Variants in TRHDE observed in about 807,000 individuals in gnomAD.
The protein encoded by TRHDE is thyrotropin-releasing hormone-degrading ectoenzyme.
TRHDE carries 72 observed loss-of-function variants against 125.7 expected under a neutral mutation model. The observed-to-expected ratio is 0.57, with a 90% CI of 0.47 to 0.70. TRHDE has a LOEUF of 0.70. TRHDE is among the 30% of genes least tolerant of loss of function. The pLI, the probability that TRHDE is intolerant of heterozygous loss-of-function variation, is 0.00. For synonymous variants in TRHDE, 509 were observed against 509.1 expected (o/e 1.00, Z 0.00); for missense variants, 1,110 against 1,327.1 (o/e 0.84, Z 2.54).
At chr12:72,403,430 T>G (rs1592420027) in intron 3 of TRHDE, among the ~76,000 whole-genome samples, 1 of 152,340 alleles carries the variant, frequency 6.6e-6, no homozygotes, top group Non-Finnish European at 1.5e-5. Context: ...CCAAGCACAA[T>G]TCTGTTTTAC....
intron 3 of TRHDE, among the ~76,000 whole-genome samples, chr12:72,380,238 G>A (rs554257444): frequency 2.3e-4 from 35 of 152,160 alleles, no homozygotes; most frequent in Non-Finnish European, 4.0e-4. Flanking sequence ...TCTATGAGAA[G>A]CAGATATACC....
At chr12:72,311,540 C>A (rs1868541409) in intron 2 of TRHDE, among the ~76,000 whole-genome samples, 1 of 152,102 alleles carries the variant, frequency 6.6e-6, no homozygotes, top group Non-Finnish European at 1.5e-5. Flanking sequence ...TTTTCACTTG[C>A]CATTCAGTAA....
chr12:72,297,546 T>C (rs946773392), intron 2 of TRHDE, among the ~76,000 whole-genome samples: 1 of 152,136 alleles, frequency 6.6e-6, no homozygotes, highest in African/African-American at 2.4e-5. Context: ...GGAGAATCTC[T>C]GAAAAAGCTG....
At chr12:72,098,520 G>T (rs1036295437) in intron 1 of TRHDE, among the ~76,000 whole-genome samples, 1 of 152,028 alleles carries the variant, frequency 6.6e-6, no homozygotes, top group African/African-American at 2.4e-5. Flanking sequence ...ATTTAGAGGC[G>T]GAATCTTTTG....
At chr12:72,405,763 A>C (rs913170587) in intron 3 of TRHDE, among the ~76,000 whole-genome samples, 1 of 152,236 alleles carries the variant, frequency 6.6e-6, no homozygotes, top group African/African-American at 2.4e-5. Context: ...ATAATATTTT[A>C]TGAAGATTAT....
At position 72,284,434 on chromosome 12, in the gene TRHDE, C is replaced by G. The variant is rs141565945; in HGVS notation, c.915-2247C>G. On this transcript the variant is annotated intron_variant, in intron 1 of 18. Transcript: ENST00000261180. ...AATTAATAAGCTGAAAGATAAGATT[C>G]ACGAGCATTATGTAAGATAAAAGCA... Among the ~76,000 whole-genome samples the G allele has an allele frequency of 8.0e-4, 122 of 152,148 alleles. 1 individual carries two copies. The highest frequency in any genetic ancestry group is 2.9e-3 in the African/African-American group (122 of 41,538).
chr12:72,446,470 C>A (rs1193260181), intron 3 of TRHDE, among the ~76,000 whole-genome samples: 2 of 152,000 alleles, frequency 1.3e-5, no homozygotes, highest in Non-Finnish European at 2.9e-5. Context: ...AAATAACCAG[C>A]CAACATCATA....
At chr12:72,554,289 G>A (rs973986912) in intron 7 of TRHDE, among the ~76,000 whole-genome samples, 6 of 151,978 alleles carry the variant, frequency 3.9e-5, no homozygotes, top group Non-Finnish European at 8.8e-5. Context: ...GATTCTTTAT[G>A]TGGCTGGTAT....
intron 6 of TRHDE, among the ~76,000 whole-genome samples, chr12:72,503,914 G>C (rs1199032301): frequency 6.6e-6 from 1 of 152,200 alleles, no homozygotes; most frequent in Admixed American, 6.5e-5. Context: ...GGGGTATTCT[G>C]ACTGGTCAGT....
chr12:72,322,541 T>C (rs1225905563), intron 2 of TRHDE, among the ~76,000 whole-genome samples: 1 of 152,148 alleles, frequency 6.6e-6, no homozygotes, highest in Non-Finnish European at 1.5e-5. Flanking sequence ...AACAAAGTTA[T>C]GTATTGATGG....
intron 3 of TRHDE, among the ~76,000 whole-genome samples, chr12:72,465,215 T>C (rs964871127): frequency 9.2e-5 from 14 of 152,232 alleles, no homozygotes; most frequent in African/African-American, 3.4e-4. Context: ...CTTCCTTTTT[T>C]TTTTATTAGC....
intron 7 of TRHDE, among the ~76,000 whole-genome samples, chr12:72,551,271 C>T (rs1205786304): frequency 6.6e-6 from 1 of 152,020 alleles, no homozygotes; most frequent in South Asian, 2.1e-4. Context: ...TGGTCTACCT[C>T]TGTATTTTTG....
chr12:72,104,794 G>T (rs1202128002), intron 1 of TRHDE, among the ~76,000 whole-genome samples: 1 of 152,176 alleles, frequency 6.6e-6, no homozygotes, highest in African/African-American at 2.4e-5. Flanking sequence ...GGACTTTATT[G>T]ACATATGTAA....
intron 2 of TRHDE, among the ~76,000 whole-genome samples, chr12:72,200,385 A>G (rs1877534140): frequency 6.6e-6 from 1 of 152,206 alleles, no homozygotes. Flanking sequence ...CTATCATAAG[A>G]GGGCTCCATT....
chr12:72,314,603 A>G (rs1013165643), intron 2 of TRHDE, among the ~76,000 whole-genome samples: 5 of 152,142 alleles, frequency 3.3e-5, no homozygotes, highest in Non-Finnish European at 7.4e-5. Flanking sequence ...AAACACTGAA[A>G]TGATAGTTTT....
intron 3 of TRHDE, among the ~76,000 whole-genome samples, chr12:72,397,132 G>T (rs754834250): frequency 4.6e-5 from 7 of 152,058 alleles, no homozygotes; most frequent in South Asian, 2.1e-4. Flanking sequence ...TTTCATTTTC[G>T]TAAACGGCAA....
At chr12:72,449,045 CA>C (rs1875442284) in intron 3 of TRHDE, among the ~76,000 whole-genome samples, 1 of 151,966 alleles carries the variant, frequency 6.6e-6, no homozygotes, top group Admixed American at 6.6e-5. Flanking sequence ...TTAATTTGAA[CA>C]TGTCAACAGA....
intron 2 of TRHDE, among the ~76,000 whole-genome samples, chr12:72,313,632 C>T (rs1256939567): frequency 6.6e-6 from 1 of 152,046 alleles, no homozygotes; most frequent in African/African-American, 2.4e-5. Context: ...AGTGTAGAAG[C>T]TTTTAGAATA....
At chr12:72,147,891 C>T (rs947362174) in intron 2 of TRHDE, 1 of 152,242 alleles carries the variant, frequency 6.6e-6, no homozygotes, top group African/African-American at 2.4e-5. Flanking sequence ...GGTATGCGCT[C>T]AGCAGATGAT....
Sources: gnomAD v4.1 joint callset for allele counts (sites outside exome capture counted in the v4.1 genomes callset) on GRCh38, gnomAD v4.1.1 for gene constraint, MANE v1.5 for transcripts, NCBI Gene and HGNC (gene_info 2026-07-23, HGNC 2026-07-21) for gene names.